PFDN1: variants seen among roughly 807,000 people sequenced by gnomAD.
PFDN1 encodes prefoldin subunit 1.
PFDN1 carries 6 observed loss-of-function variants against 17.3 expected under a neutral mutation model. The ratio of observed to expected loss-of-function variants is 0.35; its 90% confidence interval spans 0.19 to 0.69. The LOEUF is 0.69. PFDN1 is among the 30% of genes least tolerant of loss of function. The probability of loss-of-function intolerance (pLI) is 0.65; values close to 1 mark genes in which losing one functional copy is unlikely to be tolerated. For synonymous variants in PFDN1, 58 were observed against 50.1 expected (o/e 1.16, Z -0.67); for missense variants, 113 against 146.2 (o/e 0.77, Z 1.17).
chr5:140,271,915 T>C (rs1020211481), intron 3 of PFDN1, among the ~76,000 whole-genome samples: 4 of 149,690 alleles, frequency 2.7e-5, no homozygotes, highest in African/African-American at 9.8e-5. Context: ...ATTATATATA[T>C]ACACACACAT....
chr5:140,289,595 C>G (rs1765549084), intron 2 of PFDN1, among the ~76,000 whole-genome samples: 1 of 152,126 alleles, frequency 6.6e-6, no homozygotes, highest in African/African-American at 2.4e-5. Context: ...CCCAAAGTCC[C>G]TAGGAGAACT....
At chr5:140,281,569 T>A (rs768622005) in intron 2 of PFDN1, 36 bp from the exon 3 acceptor site, 2 of 1,051,114 alleles carry the variant, frequency 1.9e-6, no homozygotes, top group Non-Finnish European at 3.0e-6. Context: ...TTAAGCCACA[T>A]GACTATTGAA....
rs58605224 is a variant in PFDN1 at position 140,264,020 on chromosome 5, C to CAAAAAAAAAAAAAAAAAA, written c.285+17411_285+17428dup. On this transcript the variant is annotated intron_variant, in intron 3 of 3. Coordinates refer to ENST00000261813, the MANE Select transcript of PFDN1 (RefSeq NM_002622.5). ...TGGGGGTCAGAGTGAGACTCCATCT[C>CAAAAAAAAAAAAAAAAAA]AAAAAAAAAAAAAAAAAAAAAAAAA... 1.8e-4 allele frequency among the ~76,000 whole-genome samples: 10 copies of CAAAAAAAAAAAAAAAAAA among 55,572 alleles called. 1 individual carries two copies. The highest frequency in any genetic ancestry group is 2.3e-4 in the Non-Finnish European group (7 of 30,046). The allele number at this position is 55,572 out of a possible 152,430, so 36.5% of individuals were successfully genotyped here.
chr5:140,270,048 T>C (rs934175996), intron 3 of PFDN1, among the ~76,000 whole-genome samples: 2 of 152,250 alleles, frequency 1.3e-5, no homozygotes, highest in Admixed American at 6.5e-5. Flanking sequence ...ACATGAAGTA[T>C]TGAACTTGCT....
At chr5:140,249,366 T>C (rs1213607308) in intron 3 of PFDN1, among the ~76,000 whole-genome samples, 2 of 152,138 alleles carry the variant, frequency 1.3e-5, no homozygotes, top group South Asian at 2.1e-4. Flanking sequence ...ACCAACACAA[T>C]ACCTGAAATG....
intron 2 of PFDN1, among the ~76,000 whole-genome samples, chr5:140,284,615 T>C (rs922934591): frequency 1.3e-5 from 2 of 152,208 alleles, no homozygotes; most frequent in African/African-American, 4.8e-5. Context: ...TGCCTGATTG[T>C]TTATGGAAAG....
At chr5:140,302,384 C>G (rs1014035180) in intron 1 of PFDN1, among the ~76,000 whole-genome samples, 5 of 152,168 alleles carry the variant, frequency 3.3e-5, no homozygotes, top group Non-Finnish European at 7.4e-5. Context: ...CTGAGGAAAA[C>G]AGGAAACCCA....
intron 3 of PFDN1, chr5:140,262,463 G>T (rs1239936159): frequency 4.4e-6 from 2 of 451,690 alleles, no homozygotes; most frequent in African/African-American, 4.0e-5. Context: ...AAGCCACCAA[G>T]TTCATGAGAT....
chr5:140,297,379 T>A (rs963465661), intron 2 of PFDN1, among the ~76,000 whole-genome samples: 1 of 152,208 alleles, frequency 6.6e-6, no homozygotes, highest in Admixed American at 6.5e-5. Context: ...AGGTTTAGCA[T>A]CAAGAAAGAG....
At chr5:140,287,327 T>C (rs1765512585) in intron 2 of PFDN1, among the ~76,000 whole-genome samples, 1 of 152,222 alleles carries the variant, frequency 6.6e-6, no homozygotes, top group South Asian at 2.1e-4. Context: ...CACAATCAGC[T>C]TAGTATGTGT....
chr5:140,300,600 A>G lies in PFDN1; in HGVS notation c.34-18T>C, dbSNP rs1191597883. 4.5e-6 allele frequency: 7 copies of G among 1,556,726 alleles called. No homozygotes were observed. The highest frequency in any genetic ancestry group is 1.4e-5 in the African/African-American group (1 of 72,948). Reference sequence around the variant, plus strand: ...GTGAAGGCCTAATAAAAACAAGTCCATGATTTAGTAGGTAAAACATTTTAC... The same window carrying G: ...GTGAAGGCCTAATAAAAACAAGTCCGTGATTTAGTAGGTAAAACATTTTAC... On this transcript the variant is annotated intron_variant, in intron 1 of 3. Transcript: ENST00000261813.
intron 3 of PFDN1, among the ~76,000 whole-genome samples, chr5:140,258,858 T>C (rs573310230): frequency 1.1e-4 from 17 of 152,296 alleles, no homozygotes; most frequent in Admixed American, 3.3e-4. Flanking sequence ...AAAAACTAGA[T>C]TGGCTCTGGA....
chr5:140,247,975 ACTG>A (rs1481149075), intron 3 of PFDN1, among the ~76,000 whole-genome samples: 1 of 152,210 alleles, frequency 6.6e-6, no homozygotes, highest in African/African-American at 2.4e-5. Context: ...GCAAATGCAT[ACTG>A]CTGCTAAGGA....
chr5:140,296,795 C>A (rs1765661269), intron 2 of PFDN1, among the ~76,000 whole-genome samples: 1 of 152,146 alleles, frequency 6.6e-6, no homozygotes, highest in South Asian at 2.1e-4. Context: ...TCTCAAAATT[C>A]TTCTCAACAT....
Position 140,254,405 on chromosome 5 carries a change from T to C in PFDN1, c.286-8348A>G, listed in dbSNP as rs1764957521. 6.6e-6 allele frequency among the ~76,000 whole-genome samples: 1 copy of C among 152,186 alleles called. No individual in the cohort carries two copies. Among genetic ancestry groups the C allele is most frequent in the South Asian group, 2.1e-4 (1 of 4,820 alleles). ...CACTGCCAAACCATTTCCCCTCCTTTATCCTTCATAAACCCTGGTCCTTGA... is the reference window on the plus strand; with the variant it reads ...CACTGCCAAACCATTTCCCCTCCTTCATCCTTCATAAACCCTGGTCCTTGA... On this transcript the variant is annotated intron_variant, in intron 3 of 3. Transcript: ENST00000261813. The surrounding 1 kb of genome is among the most constrained non-coding windows in gnomAD (Gnocchi z 4.4).
At chr5:140,268,569 T>A (rs1765164290) in intron 3 of PFDN1, among the ~76,000 whole-genome samples, 1 of 152,080 alleles carries the variant, frequency 6.6e-6, no homozygotes, top group Non-Finnish European at 1.5e-5. Context: ...CTTTTGAATC[T>A]GGGAGTCAGA....
At chr5:140,283,378 G>A (rs1240249374) in intron 2 of PFDN1, among the ~76,000 whole-genome samples, 2 of 151,972 alleles carry the variant, frequency 1.3e-5, no homozygotes, top group East Asian at 1.9e-4. Flanking sequence ...GACTACAGGC[G>A]CCCACCACCA....
rs568220856 is a variant in PFDN1 at position 140,295,585 on chromosome 5, C to T, written c.200+4831G>A. On this transcript the variant is annotated intron_variant, in intron 2 of 3. Transcript: ENST00000261813. ...GTGGTAGTAGTATCAGGCTACATAA[C>T]AGCCTCTCTAAAGAAGATGAAGTAA... is the stretch of plus-strand genomic sequence containing the variant. 1.4e-4 allele frequency among the ~76,000 whole-genome samples: 21 copies of T among 152,262 alleles called. No individual in the cohort carries two copies. In the South Asian group the frequency reaches 4.1e-3, roughly 30 times the overall value.
chr5:140,250,508 G>A (rs908456381), intron 3 of PFDN1, among the ~76,000 whole-genome samples: 2 of 152,136 alleles, frequency 1.3e-5, no homozygotes, highest in Non-Finnish European at 2.9e-5. Context: ...CTCTTCTCCA[G>A]AGCTCTTTCC....
Sources: gnomAD v4.1 joint callset for allele counts (sites outside exome capture counted in the v4.1 genomes callset) on GRCh38, gnomAD v4.1.1 for gene constraint, Gnocchi (gnomAD v3.1) non-coding constraint, MANE v1.5 for transcripts, NCBI Gene and HGNC (gene_info 2026-07-23, HGNC 2026-07-21) for gene names.